ZFR2: variants seen among roughly 807,000 people sequenced by gnomAD.
ZFR2 encodes zinc finger RNA binding protein 2.
A neutral mutation model predicts 105.7 loss-of-function variants in ZFR2; 104 were observed. The ratio of observed to expected loss-of-function variants is 0.98; its 90% CI spans 0.84 to 1.16. The LOEUF (loss-of-function observed/expected upper bound fraction) is 1.16, where lower values mean the gene tolerates loss of function less well. Among genes scored for constraint, ZFR2 ranks in the 50% most tolerant of loss-of-function variants. The pLI is 0.00. For synonymous variants in ZFR2, 634 were observed against 597.7 expected (o/e 1.06, Z -0.89); for missense variants, 1,425 against 1,355.5 (o/e 1.05, Z -0.80).
chr19:3,848,981 G>A (rs570233833), intron 1 of ZFR2, among the ~76,000 whole-genome samples: 4 of 151,090 alleles, frequency 2.6e-5, no homozygotes, highest in Non-Finnish European at 4.4e-5. Context: ...ACAACAAAGC[G>A]AGACTCCGTC....
rs1253983928 is a variant in ZFR2, at chr19:3,838,684, G to T, written c.54-3701C>A. Among the ~76,000 whole-genome samples the T allele has an allele frequency of 1.3e-5, 2 of 152,198 alleles. No homozygotes were observed. The highest frequency in any genetic ancestry group is 2.9e-5 in the Non-Finnish European group (2 of 68,030). On this transcript the variant is annotated intron_variant, in intron 1 of 18. Transcript: ENST00000262961. The surrounding 1 kb of genome is among the most constrained non-coding windows in gnomAD (Gnocchi z 4.9). Reference sequence around the variant, plus strand: ...TCTATGGCTCCCGTCCCCGCTGCCTGCAAGTGGCTGCTCAGTGACACCCTG... The same window carrying T: ...TCTATGGCTCCCGTCCCCGCTGCCTTCAAGTGGCTGCTCAGTGACACCCTG...
chr19:3,817,855 A>G (rs1489106361), intron 12 of ZFR2, among the ~76,000 whole-genome samples: 1 of 151,742 alleles, frequency 6.6e-6, no homozygotes, highest in Non-Finnish European at 1.5e-5. Context: ...CACATTTCCT[A>G]TATGGAGCTC....
chr19:3,867,306 G>GGGGC (rs1555762889), intron 1 of ZFR2, among the ~76,000 whole-genome samples: 5 of 150,872 alleles, frequency 3.3e-5, no homozygotes, highest in Non-Finnish European at 5.9e-5. Context: ...TCAACTGTTG[G>GGGGC]GGGGGGAATC....
chr19:3,831,570 A>G lies in ZFR2; in HGVS notation c.599-14T>C. ...GGTAGCTTGGTGCTGAGCAGCAGAG[A>G]AAACAATGAGTCGGGGGGAGATGCT... On this transcript the variant is annotated splice_polypyrimidine_tract_variant and intron_variant, in intron 4 of 18. Transcript: ENST00000262961. 1.3e-6 allele frequency: 2 copies of G among 1,557,044 alleles called. No homozygotes were observed. Among genetic ancestry groups the G allele is most frequent in the Non-Finnish European group, 1.7e-6 (2 of 1,150,530 alleles).
intron 1 of ZFR2, among the ~76,000 whole-genome samples, chr19:3,847,098 C>G (rs2038192032): frequency 6.6e-6 from 1 of 152,220 alleles, no homozygotes; most frequent in Non-Finnish European, 1.5e-5. Flanking sequence ...CCTTTCCTCA[C>G]ACGGCTTGAG....
chr19:3,820,664 CA>C (rs2037879775), intron 10 of ZFR2, among the ~76,000 whole-genome samples: 3 of 151,498 alleles, frequency 2.0e-5, no homozygotes, highest in Admixed American at 6.6e-5. Flanking sequence ...GCTAGGGGAT[CA>C]GGGGGACACA....
chr19:3,821,991 C>T, intron 9 of ZFR2, 90 bp downstream of exon 9: 5 of 1,478,404 alleles, frequency 3.4e-6, no homozygotes, highest in Non-Finnish European at 4.5e-6. Context: ...GGATCACACG[C>T]GCGGAAGAGG....
chr19:3,811,442 A>C, intron 14 of ZFR2, 76 bp from the exon 15 acceptor site: 1 of 1,380,020 alleles, frequency 7.2e-7, no homozygotes, highest in Non-Finnish European at 9.8e-7. Context: ...TGAGGGGCTC[A>C]GTTTGGGCCC....
intron 13 of ZFR2, among the ~76,000 whole-genome samples, chr19:3,815,369 C>T (rs1479938296): frequency 6.6e-6 from 1 of 152,200 alleles, no homozygotes; most frequent in African/African-American, 2.4e-5. Flanking sequence ...GGATTACAGG[C>T]ATGAGCCACC....
chr19:3,808,116 C>G lies in ZFR2; in HGVS notation c.2545+756G>C, dbSNP rs1295338838. ...GTGTGCCTGTATGTGTGCTCATATCCATATGTGTGCCCGTGCGTATGTGTG... is the reference window on the plus strand; with the variant it reads ...GTGTGCCTGTATGTGTGCTCATATCGATATGTGTGCCCGTGCGTATGTGTG... On this transcript the variant is annotated intron_variant, in intron 17 of 18. Transcript: ENST00000262961. Among the ~76,000 whole-genome samples the G allele has an allele frequency of 2.8e-5, 4 of 142,636 alleles. No individual in the cohort carries two copies. In the East Asian group the frequency reaches 9.3e-4, roughly 33 times the overall value. The allele number at this position is 142,636 out of a possible 152,430, so 93.6% of individuals were successfully genotyped here.
rs930190852 is a variant in ZFR2 at position 3,868,988 on chromosome 19, C to A, written c.30G>T (p.Ala10=). MATSQYFDF[A]QGGGPQYSAQ... Reference sequence around the variant, plus strand: ...ACCTGTACTGCGGGCCGCCGCCCTGCGCGAAGTCGAAATACTGACTCGTCG... The same window carrying A: ...ACCTGTACTGCGGGCCGCCGCCCTGAGCGAAGTCGAAATACTGACTCGTCG... Residue 10 remains alanine, a synonymous_variant, in exon 1 of 19, where the codon GCG becomes GCT. Transcript: ENST00000262961. The A allele has an allele frequency of 1.6e-5, 22 of 1,377,368 alleles. No homozygotes were observed. The African/African-American group carries it at 1.8e-4, about 11-fold the overall frequency. 85.3% of individuals were successfully genotyped at this position (1,377,368 alleles called of 1,614,324 possible). A position where few individuals can be genotyped will look rare whatever the true frequency, so the allele number is the denominator to read the frequency against.
rs748401425 is a variant in ZFR2, at chr19:3,831,694, C to T, written c.564G>A (p.Pro188=). The T allele has an allele frequency of 1.5e-5, 23 of 1,572,180 alleles. No homozygotes were observed. The highest frequency in any genetic ancestry group is 6.7e-5 in the African/African-American group (5 of 74,158). ...CGGTGCAGGTGGGGTTGTAGGAGGG[C>T]GGGGGGTAGGAGGTCACGATGGAAG... ...SSASIVTSYP[P]PSYNPTCTAY... Residue 188 remains proline (P), a synonymous_variant, in exon 4 of 19, where the codon CCG becomes CCA. Coordinates refer to ENST00000262961, the MANE Select transcript of ZFR2 (RefSeq NM_015174.2).
In ZFR2 at chr19:3,834,195, G is replaced by A. The variant is rs530940194; in HGVS notation, c.265-417C>T. On this transcript the variant is annotated intron_variant, in intron 2 of 18. Transcript: ENST00000262961. This position sits in a 1 kb window ranked among gnomAD's most constrained non-coding sequence, Gnocchi z 5.3. ...CCGTTGACCGACACAATCTGGGGAC[G>A]AGGTGCGGGTGGCAGAGCTGGGAAA... Among the ~76,000 whole-genome samples, 2 of 152,288 alleles carry A rather than the reference G, an allele frequency of 1.3e-5. No individual in the cohort carries two copies. The highest frequency in any genetic ancestry group is 2.1e-4 in the South Asian group (1 of 4,832).
At position 3,841,373 on chromosome 19, in the gene ZFR2, G is replaced by C. The variant is rs541770402; in HGVS notation, c.54-6390C>G. 2.0e-5 allele frequency among the ~76,000 whole-genome samples: 3 copies of C among 152,332 alleles called. 1 individual carries two copies. In the South Asian group the frequency reaches 6.2e-4, roughly 32 times the overall value. Reference sequence around the variant, plus strand: ...CCATGGATCTGTGTGTTCAAAGCATGGTTCTGGCAACTGAGGAGCATTTTG... The same window carrying C: ...CCATGGATCTGTGTGTTCAAAGCATCGTTCTGGCAACTGAGGAGCATTTTG... On this transcript the variant is annotated intron_variant, in intron 1 of 18. Coordinates refer to ENST00000262961, the MANE Select transcript of ZFR2 (RefSeq NM_015174.2).
At chr19:3,855,501 T>TGGGCGCTGTCAC in intron 1 of ZFR2, 1 of 1,198,816 alleles carries the variant, frequency 8.3e-7, no homozygotes, top group Non-Finnish European at 1.0e-6. Context: ...GCTGCTGTCA[T>TGGGCGCTGTCAC]GGGCGCTGTC....
chr19:3,812,867 T>C (rs2037781335), intron 14 of ZFR2, among the ~76,000 whole-genome samples: 2 of 152,222 alleles, frequency 1.3e-5, no homozygotes, highest in South Asian at 4.1e-4. Context: ...TCACCTGAAG[T>C]CAGGAGTTCG....
rs746650478 is a variant in ZFR2, at chr19:3,827,464, G to A, written c.1035+7C>T. On this transcript the variant is annotated splice_region_variant and intron_variant, in intron 6 of 18. Coordinates refer to ENST00000262961, the MANE Select transcript of ZFR2 (RefSeq NM_015174.2). ...GGTGGCAGAGCCTGGGCCGGGCGGGGCCGTACCTTCTGGTGCTTGGATCCC... is the reference window on the plus strand; with the variant it reads ...GGTGGCAGAGCCTGGGCCGGGCGGGACCGTACCTTCTGGTGCTTGGATCCC... 1 of 1,539,932 alleles carries A rather than the reference G, an allele frequency of 6.5e-7. No homozygotes were observed. Among genetic ancestry groups the A allele is most frequent in the South Asian group, 1.2e-5 (1 of 83,312 alleles).
At chr19:3,849,273 ATC>A (rs1568430616) in intron 1 of ZFR2, among the ~76,000 whole-genome samples, 1 of 152,200 alleles carries the variant, frequency 6.6e-6, no homozygotes, top group Non-Finnish European at 1.5e-5. Flanking sequence ...GGCTTTCTCT[ATC>A]TGCTCCTGCT....
At chr19:3,867,888 C>T (rs1298650866) in intron 1 of ZFR2, among the ~76,000 whole-genome samples, 1 of 151,834 alleles carries the variant, frequency 6.6e-6, no homozygotes, top group African/African-American at 2.4e-5. Flanking sequence ...CCACACCCCA[C>T]CCCAGGTCTC....
Sources: allele counts gnomAD v4.1 joint callset (sites outside exome capture counted in the v4.1 genomes callset), GRCh38; gene constraint gnomAD v4.1.1; non-coding constraint Gnocchi (gnomAD v3.1); transcripts MANE v1.5; gene names NCBI Gene and HGNC (gene_info 2026-07-23, HGNC 2026-07-21).